Variants in CNTN4 observed in about 807,000 individuals in gnomAD.
CNTN4 encodes contactin 4.
A neutral mutation model predicts 122.5 loss-of-function variants in CNTN4; 77 were observed. The observed-to-expected ratio is 0.63, with a 90% CI of 0.52 to 0.76. The LOEUF (loss-of-function observed/expected upper bound fraction) is 0.76, where lower values mean the gene tolerates loss of function less well. Among genes scored for constraint, CNTN4 ranks in the 30% least tolerant of loss-of-function variants. The pLI, the probability that CNTN4 is intolerant of heterozygous loss-of-function variation, is 0.00. For missense variants in CNTN4, 1,256 were observed against 1,259.1 expected (o/e 1.00, Z 0.04); for synonymous variants, 512 against 447.0 (o/e 1.15, Z -1.83).
At chr3:2,465,434 T>C (rs1025361225) in intron 3 of CNTN4, among the ~76,000 whole-genome samples, 10 of 152,180 alleles carry the variant, frequency 6.6e-5, no homozygotes, top group African/African-American at 2.4e-4. Context: ...CCCAGCACTT[T>C]GGGAGGCCGA....
At chr3:2,777,286 C>G (rs2091360809) in intron 6 of CNTN4, among the ~76,000 whole-genome samples, 1 of 152,176 alleles carries the variant, frequency 6.6e-6, no homozygotes, top group African/African-American at 2.4e-5. Flanking sequence ...TATTCCATAT[C>G]TATCTCAGGT....
intron 3 of CNTN4, among the ~76,000 whole-genome samples, chr3:2,483,687 G>T (rs2151605124): frequency 6.6e-6 from 1 of 152,272 alleles, no homozygotes; most frequent in Admixed American, 6.5e-5. Flanking sequence ...GGTTTTATAA[G>T]TGGCATTTCC....
chr3:2,717,050 A>G (rs527509051), intron 4 of CNTN4, among the ~76,000 whole-genome samples: 5 of 152,292 alleles, frequency 3.3e-5, no homozygotes, highest in South Asian at 2.1e-4. Flanking sequence ...CCTTTTGGCT[A>G]TTATTAATAA....
At chr3:2,437,609 A>T (rs2048300660) in intron 3 of CNTN4, among the ~76,000 whole-genome samples, 1 of 152,310 alleles carries the variant, frequency 6.6e-6, no homozygotes, top group East Asian at 1.9e-4. Flanking sequence ...TCCTTTCTAT[A>T]TTGATTAAAA....
intron 2 of CNTN4, among the ~76,000 whole-genome samples, chr3:2,304,341 A>C (rs1447466432): frequency 6.6e-6 from 1 of 152,224 alleles, no homozygotes; most frequent in Non-Finnish European, 1.5e-5. Context: ...TGTATACTTA[A>C]GAATGAAATT....
rs1559540120 is a variant in CNTN4 at position 2,819,541 on chromosome 3, A to G, written c.414A>G (p.Gln138=). The G allele has an allele frequency of 6.2e-7, 1 of 1,614,186 alleles. No homozygotes were observed. The highest frequency in any genetic ancestry group is 1.1e-5 in the South Asian group (1 of 91,088). Residue 138 remains glutamine, a synonymous_variant, in exon 7 of 25, where the codon CAA becomes CAG. Transcript: ENST00000418658. ...GCACTGTGTCTGTCCGTCGAGGTCA[A>G]GGAATGGTGCTACTGTGTGGCCCGC... is the stretch of plus-strand genomic sequence containing the variant. ...TRSTVSVRRG[Q]GMVLLCGPPP... is the part of the protein sequence containing the mutation.
At chr3:2,610,667 A>T (rs546194534) in intron 4 of CNTN4, among the ~76,000 whole-genome samples, 1 of 152,210 alleles carries the variant, frequency 6.6e-6, no homozygotes, top group Non-Finnish European at 1.5e-5. Context: ...AGAACAGACC[A>T]TGGAAATGTT....
intron 16 of CNTN4, among the ~76,000 whole-genome samples, chr3:3,033,897 A>C (rs1397942518): frequency 6.6e-6 from 1 of 152,212 alleles, no homozygotes; most frequent in Non-Finnish European, 1.5e-5. Context: ...AACAACGAAC[A>C]TCAGGAAGAG....
At chr3:2,381,381 C>G (rs1395587420) in intron 3 of CNTN4, among the ~76,000 whole-genome samples, 6 of 152,152 alleles carry the variant, frequency 3.9e-5, no homozygotes, top group African/African-American at 1.4e-4. Flanking sequence ...CTACATTTCC[C>G]CCTTAGAACA....
intron 15 of CNTN4, 24 bp downstream of exon 15, chr3:3,026,301 A>G (rs1346629053): frequency 6.3e-7 from 1 of 1,595,146 alleles, no homozygotes; most frequent in Non-Finnish European, 8.6e-7. Flanking sequence ...GCAAAAACTG[A>G]CTCAAACTAA....
chr3:3,045,895 A>G (rs921720072), intron 23 of CNTN4, among the ~76,000 whole-genome samples: 1 of 152,190 alleles, frequency 6.6e-6, no homozygotes, highest in African/African-American at 2.4e-5. Flanking sequence ...GGTTAGACAA[A>G]TGGCTAACTA....
intron 7 of CNTN4, among the ~76,000 whole-genome samples, chr3:2,820,553 C>A (rs961017350): frequency 1.3e-5 from 2 of 152,094 alleles, no homozygotes; most frequent in Non-Finnish European, 2.9e-5. Flanking sequence ...CTTCTCCCAT[C>A]CCCAAGAGTG....
chr3:2,657,251 C>T (rs1159011262), intron 4 of CNTN4, among the ~76,000 whole-genome samples: 1 of 152,112 alleles, frequency 6.6e-6, no homozygotes, highest in African/African-American at 2.4e-5. Flanking sequence ...TTATTGGAAA[C>T]CTATTTTACA....
intron 2 of CNTN4, among the ~76,000 whole-genome samples, chr3:2,282,504 C>CT (rs559695683): frequency 6.6e-6 from 1 of 152,036 alleles, no homozygotes; most frequent in Non-Finnish European, 1.5e-5. Context: ...CATTCTTCCA[C>CT]TTTTTTTTCT....
At chr3:2,553,409 A>G (rs548078257) in intron 3 of CNTN4, among the ~76,000 whole-genome samples, 50 of 152,298 alleles carry the variant, frequency 3.3e-4, no homozygotes, top group African/African-American at 1.1e-3. Flanking sequence ...AATATGTAAG[A>G]TGCATTTGGG....
At chr3:2,165,756 G>A (rs1447074986) in intron 2 of CNTN4, among the ~76,000 whole-genome samples, 4 of 151,866 alleles carry the variant, frequency 2.6e-5, no homozygotes, top group Middle Eastern at 6.8e-3. Context: ...AACTCTTTTG[G>A]ATTCCACATA....
rs138870816 is a variant in CNTN4 at position 2,175,830 on chromosome 3, A to G, written c.-145+75191A>G. On this transcript the variant is annotated intron_variant, in intron 2 of 24. Coordinates refer to ENST00000418658, the MANE Select transcript of CNTN4 (RefSeq NM_175607.3). ...GAGCAGAGTGATTGGACTAAAGCTA[A>G]AAGGCAGAGAGAGGGCAATGATATT... 2.3e-3 allele frequency among the ~76,000 whole-genome samples: 348 copies of G among 152,310 alleles called. 3 individuals are homozygous for G. Among genetic ancestry groups the G allele is most frequent in the African/African-American group, 8.1e-3 (337 of 41,578 alleles).
intron 4 of CNTN4, among the ~76,000 whole-genome samples, chr3:2,578,169 GA>G (rs1293049076): frequency 6.6e-6 from 1 of 152,118 alleles, no homozygotes; most frequent in African/African-American, 2.4e-5. Flanking sequence ...CCTGCAATGA[GA>G]ACACATACAA....
At chr3:2,280,756 A>C (rs149285050) in intron 2 of CNTN4, among the ~76,000 whole-genome samples, 2 of 152,176 alleles carry the variant, frequency 1.3e-5, no homozygotes, top group African/African-American at 4.8e-5. Flanking sequence ...GAAGTTTTGT[A>C]CCTATAGCTC....
Sources: gnomAD v4.1 joint callset for allele counts (sites outside exome capture counted in the v4.1 genomes callset) on GRCh38, gnomAD v4.1.1 for gene constraint, MANE v1.5 for transcripts, NCBI Gene and HGNC (gene_info 2026-07-23, HGNC 2026-07-21) for gene names.